The following TBC1D8 variants were observed in gnomAD, a reference collection of about 807,000 sequenced individuals.
The protein encoded by TBC1D8 is BUB2-like protein 1.
In TBC1D8, 65 loss-of-function variants were observed where a neutral mutation model predicts 118.8. The observed-to-expected ratio is 0.55, with a 90% CI of 0.45 to 0.67. The LOEUF (loss-of-function observed/expected upper bound fraction) is 0.67. TBC1D8 is among the 30% of genes least tolerant of loss of function. TBC1D8 has a pLI of 0.00. For synonymous variants in TBC1D8, 566 were observed against 595.8 expected, an observed-to-expected ratio of 0.95 and a Z score of 0.73; for missense variants, 1,376 against 1,471.2, an observed-to-expected ratio of 0.94 and a Z score of 1.06.
At chr2:101,105,783 A>G (rs1677170623) in intron 1 of TBC1D8, among the ~76,000 whole-genome samples, 1 of 152,160 alleles carries the variant, frequency 6.6e-6, no homozygotes, top group Admixed American at 6.5e-5. Context: ...CAAAATGCAC[A>G]GCCACCTAGA....
chr2:101,083,127 A>T (rs2105449237), intron 2 of TBC1D8, among the ~76,000 whole-genome samples: 1 of 152,048 alleles, frequency 6.6e-6, no homozygotes, highest in Admixed American at 6.6e-5. Flanking sequence ...CACTCTCTTT[A>T]TATGAGGAAG....
In TBC1D8 at chr2:101,129,771, A is replaced by G. The variant is rs538642515; in HGVS notation, c.127+21356T>C. On this transcript the variant is annotated intron_variant, in intron 1 of 19. Transcript: ENST00000409318. ...ATACAAACAATTAGCTGGGCGTGGC[A>G]GCAGGCGCCTGTAGTCCCAGCTACT... Among the ~76,000 whole-genome samples, 237 of 152,016 alleles carry G rather than the reference A, an allele frequency of 1.6e-3. 1 individual carries two copies. Among genetic ancestry groups the G allele is most frequent in the Admixed American group, 5.1e-3 (78 of 15,268 alleles).
intron 19 of TBC1D8, among the ~76,000 whole-genome samples, chr2:101,009,093 T>C (rs752983800): frequency 1.1e-4 from 16 of 151,804 alleles, no homozygotes; most frequent in Non-Finnish European, 2.2e-4. Context: ...ACTCCAAGAA[T>C]AGAAAAATGG....
Position 101,012,531 on chromosome 2 carries a change from A to G in TBC1D8, c.2828-991T>C, listed in dbSNP as rs139959264. On this transcript the variant is annotated intron_variant, in intron 17 of 19. Coordinates refer to ENST00000409318, the MANE Select transcript of TBC1D8 (RefSeq NM_001330348.2). The stretch of plus-strand genomic sequence containing the variant: ...GCCTACGGCTGGGGAAAATGGATAC[A>G]CTGGTAGTGAGAGCTAAAGATATGA... Among the ~76,000 whole-genome samples the G allele has an allele frequency of 1.4e-3, 211 of 152,254 alleles. 1 individual carries two copies. Among genetic ancestry groups the G allele is most frequent in the Middle Eastern group, 3.4e-3 (1 of 294 alleles).
chr2:101,042,376 TTATAAA>T (rs1171113831), intron 5 of TBC1D8, among the ~76,000 whole-genome samples: 1 of 152,208 alleles, frequency 6.6e-6, no homozygotes, highest in Admixed American at 6.5e-5. Flanking sequence ...ATAAAGTTCC[TTATAAA>T]TATAAGGATG....
chr2:101,094,573 A>C (rs1345898139), intron 1 of TBC1D8, among the ~76,000 whole-genome samples: 1 of 152,222 alleles, frequency 6.6e-6, no homozygotes, highest in Non-Finnish European at 1.5e-5. Flanking sequence ...AAATGAAAGC[A>C]GCAGGGAGGG....
intron 2 of TBC1D8, among the ~76,000 whole-genome samples, chr2:101,072,668 A>G (rs1674529534): frequency 6.6e-6 from 1 of 152,174 alleles, no homozygotes; most frequent in African/African-American, 2.4e-5. Context: ...ACAGTTCACA[A>G]TAGGGGGTCA....
At chr2:101,030,222 C>G (rs1680587755) in intron 11 of TBC1D8, among the ~76,000 whole-genome samples, 1 of 152,070 alleles carries the variant, frequency 6.6e-6, no homozygotes, top group Non-Finnish European at 1.5e-5. Context: ...TAAAAGACAC[C>G]ATTAATAAAA....
At chr2:101,144,659 G>A (rs1047662203) in intron 1 of TBC1D8, among the ~76,000 whole-genome samples, 29 of 152,150 alleles carry the variant, frequency 1.9e-4, no homozygotes, top group African/African-American at 6.0e-4. Context: ...CCTCTTGGCC[G>A]GGCGCGGTGG....
At chr2:101,065,699 C>T (rs2105430425) in intron 2 of TBC1D8, among the ~76,000 whole-genome samples, 1 of 152,154 alleles carries the variant, frequency 6.6e-6, no homozygotes, top group African/African-American at 2.4e-5. Context: ...ACAAAATTTC[C>T]TTGGCTTTTT....
At position 101,007,660 on chromosome 2, in the gene TBC1D8, A is replaced by G. The variant is rs965528967; in HGVS notation, c.*161T>C. The G allele has an allele frequency of 1.4e-6, 1 of 693,976 alleles. No homozygotes were observed. Among genetic ancestry groups the G allele is most frequent in the Non-Finnish European group, 2.4e-6 (1 of 410,796 alleles). The allele number at this position is 693,976 out of a possible 1,614,324, so 43.0% of individuals were successfully genotyped here. A position where few individuals can be genotyped will look rare whatever the true frequency, so the allele number is the denominator to read the frequency against. On this transcript the variant is annotated 3_prime_UTR_variant, in exon 20 of 20. Coordinates refer to ENST00000409318, the MANE Select transcript of TBC1D8 (RefSeq NM_001330348.2). The stretch of plus-strand genomic sequence containing the variant: ...AATTCTCAATACATAGAAATGCTTG[A>G]GGGTTGTGTCGGTTCCCCTGGCCAC...
At chr2:101,070,228 T>C (rs1349515264) in intron 2 of TBC1D8, among the ~76,000 whole-genome samples, 1 of 151,952 alleles carries the variant, frequency 6.6e-6, no homozygotes, top group African/African-American at 2.4e-5. Context: ...ACATTTTTAT[T>C]AAAAACCTGA....
chr2:101,127,960 T>C (rs193063825), intron 1 of TBC1D8, among the ~76,000 whole-genome samples: 1 of 152,376 alleles, frequency 6.6e-6, no homozygotes, highest in African/African-American at 2.4e-5. Context: ...CTGTTAAGCC[T>C]GTCCCAGATA....
chr2:101,069,911 T>G (rs957066854), intron 2 of TBC1D8, among the ~76,000 whole-genome samples: 2 of 98,742 alleles, frequency 2.0e-5, no homozygotes, highest in Non-Finnish European at 3.9e-5. Context: ...ATACAGAGCA[T>G]GTTTACTTTT....
At chr2:101,074,365 A>C (rs1323079387) in intron 2 of TBC1D8, among the ~76,000 whole-genome samples, 1 of 152,238 alleles carries the variant, frequency 6.6e-6, no homozygotes, top group Non-Finnish European at 1.5e-5. Flanking sequence ...CCATTAACAG[A>C]CATAATAATA....
chr2:101,036,236 C>A, intron 8 of TBC1D8, 68 bp from the exon 9 acceptor site: 1 of 1,565,880 alleles, frequency 6.4e-7, no homozygotes, highest in Non-Finnish European at 8.7e-7. Context: ...ACCGATGCAC[C>A]GCTGGCAATG....
At chr2:101,028,018 G>C (rs776547959) in intron 14 of TBC1D8, 30 bp downstream of exon 14, 1 of 1,608,452 alleles carries the variant, frequency 6.2e-7, no homozygotes, top group Non-Finnish European at 8.5e-7. Context: ...CCAATACCGT[G>C]ATCACCGGGG....
intron 1 of TBC1D8, among the ~76,000 whole-genome samples, chr2:101,106,008 A>C (rs941869637): frequency 2.0e-5 from 3 of 152,140 alleles, no homozygotes; most frequent in African/African-American, 7.2e-5. Flanking sequence ...CTGTGGTTAG[A>C]TCCATTCAGT....
intron 17 of TBC1D8, among the ~76,000 whole-genome samples, chr2:101,012,866 CCTTA>C (rs1222191349): frequency 6.6e-6 from 1 of 152,128 alleles, no homozygotes; most frequent in African/African-American, 2.4e-5. Flanking sequence ...GGAAAGCTAC[CCTTA>C]CTTTTTCCAA....
Sources: allele counts gnomAD v4.1 joint callset (sites outside exome capture counted in the v4.1 genomes callset), GRCh38; gene constraint gnomAD v4.1.1; transcripts MANE v1.5; gene names NCBI Gene and HGNC (gene_info 2026-07-23, HGNC 2026-07-21).